Variants in PRUNE2 observed in about 807,000 individuals in gnomAD.
PRUNE2 encodes the protein protein prune homolog 2.
A neutral mutation model predicts 252.0 loss-of-function variants in PRUNE2; 164 were observed. The ratio of observed to expected loss-of-function variants is 0.65; its 90% CI spans 0.57 to 0.74. The LOEUF (loss-of-function observed/expected upper bound fraction) is 0.74. Among genes scored for constraint, PRUNE2 ranks in the 30% least tolerant of loss-of-function variants. The pLI is 0.00. For synonymous variants in PRUNE2, 1,292 were observed against 1,350.2 expected, an observed-to-expected ratio of 0.96 and a Z score of 0.94; for missense variants, 3,495 against 3,711.0, an observed-to-expected ratio of 0.94 and a Z score of 1.51.
intron 4 of PRUNE2, among the ~76,000 whole-genome samples, chr9:76,837,834 C>T (rs939234282): frequency 6.7e-6 from 1 of 149,496 alleles, no homozygotes; most frequent in Non-Finnish European, 1.5e-5. Flanking sequence ...TGCAGTGGCG[C>T]AATCTCGGCT....
intron 6 of PRUNE2, among the ~76,000 whole-genome samples, chr9:76,755,082 G>A (rs931155334): frequency 2.7e-5 from 4 of 149,854 alleles, no homozygotes; most frequent in African/African-American, 4.9e-5. Flanking sequence ...TTATTCATTC[G>A]ACGATTAAAC....
intron 6 of PRUNE2, among the ~76,000 whole-genome samples, chr9:76,782,101 C>G (rs2054477566): frequency 1.3e-5 from 2 of 152,096 alleles, no homozygotes; most frequent in Admixed American, 1.3e-4. Flanking sequence ...GTAGTCCCAG[C>G]TACTGGGGAG....
At position 76,877,514 on chromosome 9, in the gene PRUNE2, A is replaced by T. The variant is rs538076404; in HGVS notation, c.37-23306T>A. Among the ~76,000 whole-genome samples, 12 of 152,208 alleles carry T rather than the reference A, an allele frequency of 7.9e-5. No individual in the cohort carries two copies. In the East Asian group the frequency reaches 2.3e-3, roughly 29 times the overall value. On this transcript the variant is annotated intron_variant, in intron 1 of 18. Coordinates refer to ENST00000376718, the MANE Select transcript of PRUNE2 (RefSeq NM_015225.3). ...TCTCAATTAAAACACACACACACAC[A>T]CACACAAAGGAACAGCTTTCTAATG...
chr9:76,805,422 A>G (rs1352133270), intron 6 of PRUNE2, among the ~76,000 whole-genome samples: 1 of 152,162 alleles, frequency 6.6e-6, no homozygotes, highest in Non-Finnish European at 1.5e-5. Context: ...GGAGTTCAAC[A>G]GCAGCGTGGG....
intron 9 of PRUNE2, among the ~76,000 whole-genome samples, chr9:76,695,593 A>C (rs963114077): frequency 2.0e-5 from 3 of 152,240 alleles, no homozygotes; most frequent in Non-Finnish European, 4.4e-5. Context: ...TAACTTGAGA[A>C]AAGAAAGATG....
chr9:76,677,066 A>G (rs1029721548), intron 9 of PRUNE2, among the ~76,000 whole-genome samples: 7 of 152,264 alleles, frequency 4.6e-5, no homozygotes, highest in Admixed American at 3.9e-4. Context: ...TGCTGTATAT[A>G]GCTTGGCTGA....
intron 2 of PRUNE2, among the ~76,000 whole-genome samples, chr9:76,851,560 A>AAC (rs1554809068): frequency 1.4e-4 from 21 of 150,728 alleles, no homozygotes; most frequent in South Asian, 6.3e-4. Flanking sequence ...AAAAAAAAAA[A>AAC]ACACACACAC....
rs112894165 is a variant in PRUNE2, at chr9:76,804,299, C to T, written c.756+19333G>A. ...GCTTTCCAAACTATTGCCCAGGCTT[C>T]GGTTGACCGATTGATGCCCCCGCCC... On this transcript the variant is annotated intron_variant, in intron 6 of 18. Transcript: ENST00000376718. Among the ~76,000 whole-genome samples the T allele has an allele frequency of 3.9e-5, 6 of 152,328 alleles. No homozygotes were observed. The South Asian group carries it at 1.0e-3, about 26-fold the overall frequency.
chr9:76,688,895 C>G (rs546455850), intron 9 of PRUNE2, among the ~76,000 whole-genome samples: 37 of 152,224 alleles, frequency 2.4e-4, no homozygotes, highest in Non-Finnish European at 3.7e-4. Flanking sequence ...CGATAGCTCT[C>G]CTGACTCCAT....
chr9:76,813,619 T>A lies in PRUNE2; in HGVS notation c.756+10013A>T, dbSNP rs185529887. Among the ~76,000 whole-genome samples, 152 of 152,336 alleles carry A rather than the reference T, an allele frequency of 1.0e-3. 1 individual carries two copies. The highest frequency in any genetic ancestry group is 8.4e-3 in the Admixed American group (129 of 15,302). On this transcript the variant is annotated intron_variant, in intron 6 of 18. Coordinates refer to ENST00000376718, the MANE Select transcript of PRUNE2 (RefSeq NM_015225.3). Reference sequence around the variant, plus strand: ...CAAGCATATTTCTTCATTGTTTCAGTTTCTTGTAAAGGGAGAATCAAAAAC... The same window carrying A: ...CAAGCATATTTCTTCATTGTTTCAGATTCTTGTAAAGGGAGAATCAAAAAC...
chr9:76,647,201 T>C (rs1020441247), intron 11 of PRUNE2, among the ~76,000 whole-genome samples: 1 of 152,212 alleles, frequency 6.6e-6, no homozygotes, highest in Non-Finnish European at 1.5e-5. Context: ...TATACTACTT[T>C]CTTTATTATG....
intron 6 of PRUNE2, among the ~76,000 whole-genome samples, chr9:76,802,926 T>C (rs2056663381): frequency 6.6e-6 from 1 of 152,178 alleles, no homozygotes; most frequent in African/African-American, 2.4e-5. Flanking sequence ...CACTTTGTTG[T>C]CAAGTGATTT....
intron 1 of PRUNE2, among the ~76,000 whole-genome samples, chr9:76,897,409 T>A: frequency 8.3e-6 from 1 of 121,054 alleles, no homozygotes; most frequent in Non-Finnish European, 1.7e-5. Flanking sequence ...TTTTTTTTTT[T>A]TTTTTTTTTT....
At chr9:76,674,395 G>A (rs529170296) in intron 9 of PRUNE2, among the ~76,000 whole-genome samples, 1 of 152,342 alleles carries the variant, frequency 6.6e-6, no homozygotes, top group African/African-American at 2.4e-5. Flanking sequence ...CTTGAGCACT[G>A]CTCAAGGAAA....
In PRUNE2 at chr9:76,635,648, C is replaced by CA. The variant is rs372836126; in HGVS notation, c.9050+822dup. Among the ~76,000 whole-genome samples, 678 of 151,538 alleles carry CA rather than the reference C, an allele frequency of 4.5e-3. 2 individuals are homozygous for CA. Among genetic ancestry groups the CA allele is most frequent in the African/African-American group, 0.014 (568 of 41,388 alleles). ...AGCTACAGTAAAATCTATGTACACA[C>CA]AAAAAAAAGATTTTAAAGTTTATCT... On this transcript the variant is annotated intron_variant, in intron 15 of 18. Coordinates refer to ENST00000376718, the MANE Select transcript of PRUNE2 (RefSeq NM_015225.3).
rs1032391154 is a variant in PRUNE2, at chr9:76,715,146, C to G, written c.757-1425G>C. ...CCACACACATCTCCTAGGACAGCCA[C>G]TGTGAAGATGTGAACGATGCCGTGC... On this transcript the variant is annotated intron_variant, in intron 6 of 18. Transcript: ENST00000376718. Among the ~76,000 whole-genome samples the G allele has an allele frequency of 3.3e-5, 5 of 152,346 alleles. No homozygotes were observed. The South Asian group carries it at 1.0e-3, about 32-fold the overall frequency.
chr9:76,799,273 G>A (rs747007752), intron 6 of PRUNE2, among the ~76,000 whole-genome samples: 5 of 151,644 alleles, frequency 3.3e-5, no homozygotes, highest in Non-Finnish European at 5.9e-5. Flanking sequence ...CCCAGGAGGT[G>A]GAGGTTGCAG....
intron 6 of PRUNE2, among the ~76,000 whole-genome samples, chr9:76,754,834 C>T (rs2050961388): frequency 6.6e-6 from 1 of 151,738 alleles, no homozygotes; most frequent in Non-Finnish European, 1.5e-5. Flanking sequence ...GGCATGTTGG[C>T]ACACTGCTGT....
chr9:76,851,863 G>A (rs1238674372), intron 2 of PRUNE2, among the ~76,000 whole-genome samples: 3 of 152,122 alleles, frequency 2.0e-5, no homozygotes, highest in Admixed American at 6.6e-5. Flanking sequence ...GTTTTTGTAC[G>A]GGAATGTTAA....
Sources: gnomAD v4.1 joint callset for allele counts (sites outside exome capture counted in the v4.1 genomes callset) on GRCh38, gnomAD v4.1.1 for gene constraint, MANE v1.5 for transcripts, NCBI Gene and HGNC (gene_info 2026-07-23, HGNC 2026-07-21) for gene names.